MAPK10: variants seen among roughly 807,000 people sequenced by gnomAD.
MAPK10 encodes the protein mitogen-activated protein kinase 10, also known as JNK3 alpha protein kinase.
A neutral mutation model predicts 59.3 loss-of-function variants in MAPK10; 25 were observed. The observed-to-expected ratio is 0.42, with a 90% CI of 0.31 to 0.59. MAPK10 has a LOEUF of 0.59. MAPK10 is among the 20% of genes least tolerant of loss of function. The pLI is 0.15. For synonymous variants in MAPK10, 190 were observed against 200.5 expected, an observed-to-expected ratio of 0.95 and a Z score of 0.44; for missense variants, 351 against 568.9, an observed-to-expected ratio of 0.62 and a Z score of 3.90.
chr4:86,443,574 T>C (rs985187052), intron 1 of MAPK10, among the ~76,000 whole-genome samples: 1 of 151,960 alleles, frequency 6.6e-6, no homozygotes, highest in Non-Finnish European at 1.5e-5. Context: ...AGACGAGACC[T>C]AATCACAGGA....
chr4:86,216,654 A>G (rs1159456514), intron 2 of MAPK10, among the ~76,000 whole-genome samples: 4 of 152,010 alleles, frequency 2.6e-5, no homozygotes, highest in Admixed American at 6.6e-5. Flanking sequence ...GAAACACTAA[A>G]TGTTCAATAA....
At chr4:86,220,643 T>C (rs149314338) in intron 2 of MAPK10, among the ~76,000 whole-genome samples, 69 of 152,354 alleles carry the variant, frequency 4.5e-4, no homozygotes, top group Non-Finnish European at 7.2e-4. Flanking sequence ...TGAACTTCAC[T>C]TGTGTTTAGA....
intron 2 of MAPK10, among the ~76,000 whole-genome samples, chr4:86,220,182 T>A (rs1312332877): frequency 1.3e-5 from 2 of 152,170 alleles, no homozygotes; most frequent in Non-Finnish European, 2.9e-5. Context: ...ATAATCTTAG[T>A]TTGCTTTAAT....
chr4:86,376,425 T>C (rs1578976760), intron 1 of MAPK10, among the ~76,000 whole-genome samples: 2 of 152,174 alleles, frequency 1.3e-5, no homozygotes, highest in East Asian at 3.8e-4. Context: ...TCCTAAAATC[T>C]GGAGACTCCA....
chr4:86,288,982 A>G (rs1304374452), intron 2 of MAPK10, among the ~76,000 whole-genome samples: 2 of 152,166 alleles, frequency 1.3e-5, no homozygotes, highest in Non-Finnish European at 2.9e-5. Context: ...TAAACAAAGA[A>G]TAAAATAAAT....
At chr4:86,364,590 C>A (rs777568042), upstream of MAPK10, among the ~76,000 whole-genome samples, 5 of 152,144 alleles carry the variant, frequency 3.3e-5, no homozygotes, top group African/African-American at 9.7e-5. Flanking sequence ...CTATTCTATA[C>A]ACTTCAGGAA....
chr4:86,117,037 A>G (rs116357197), intron 4 of MAPK10, among the ~76,000 whole-genome samples: 3,588 of 152,354 alleles, frequency 0.024, 145 homozygotes, highest in African/African-American at 0.081. Context: ...TACCACCATC[A>G]TGACCACATT....
At chr4:86,064,876 T>G (rs1215786955) in intron 10 of MAPK10, 1 of 152,396 alleles carries the variant, frequency 6.6e-6, no homozygotes, top group African/African-American at 2.4e-5. Context: ...ATCATACAAA[T>G]TTTTCTTTTC....
chr4:86,153,708 T>C (rs1471830045), intron 4 of MAPK10, among the ~76,000 whole-genome samples: 1 of 152,186 alleles, frequency 6.6e-6, no homozygotes, highest in East Asian at 1.9e-4. Context: ...ACCAGTCTTA[T>C]TGATCAATTG....
intron 1 of MAPK10, among the ~76,000 whole-genome samples, chr4:86,547,473 G>C (rs1003553865): frequency 2.0e-5 from 3 of 152,216 alleles, no homozygotes; most frequent in African/African-American, 4.8e-5. Context: ...ATTTCTCGCC[G>C]GGCCTTAGTT....
intron 1 of MAPK10, among the ~76,000 whole-genome samples, chr4:86,446,197 T>G (rs111631992): frequency 5.1e-4 from 77 of 152,234 alleles, no homozygotes; most frequent in African/African-American, 1.8e-3. Flanking sequence ...TAGCTCACTT[T>G]CAAATGTATT....
rs566791698 is a variant in MAPK10, at chr4:86,064,356, T to C, written c.1020A>G (p.Leu340=). Residue 340 remains leucine, a synonymous_variant, in exon 11 of 14, where the codon CTA becomes CTG. Coordinates refer to ENST00000641462, the MANE Select transcript of MAPK10 (RefSeq NM_138982.4). ...ATATTCTTTTTGCTGGGTCAATCAC[T>C]AGCATCTTTGACAACAAGTCCCTGG... is the stretch of plus-strand genomic sequence containing the variant. ...SQARDLLSKM[L]VIDPAKRISV... The C allele has an allele frequency of 1.2e-6, 2 of 1,613,998 alleles. No individual in the cohort carries two copies. The highest frequency in any genetic ancestry group is 1.3e-5 in the African/African-American group (1 of 75,040).
At chr4:86,562,149 C>A (rs911136975) in intron 1 of MAPK10, among the ~76,000 whole-genome samples, 1 of 152,112 alleles carries the variant, frequency 6.6e-6, no homozygotes, top group Non-Finnish European at 1.5e-5. Context: ...TGGGCCCCAG[C>A]GTTCAAGACC....
At chr4:86,583,641 TACTGC>T (rs1379252022) in intron 1 of MAPK10, among the ~76,000 whole-genome samples, 1 of 152,210 alleles carries the variant, frequency 6.6e-6, no homozygotes, top group Non-Finnish European at 1.5e-5. Flanking sequence ...ATTGTTGAGC[TACTGC>T]ACTGTCAGAA....
At chr4:86,230,700 C>A (rs545594939) in intron 2 of MAPK10, among the ~76,000 whole-genome samples, 87 of 152,210 alleles carry the variant, frequency 5.7e-4, no homozygotes, top group Non-Finnish European at 1.0e-3. Flanking sequence ...TTTAAAACTA[C>A]CCTTGATTTA....
In MAPK10 at chr4:86,290,882, G is replaced by A. The variant is rs1278883449; in HGVS notation, c.-7+63648C>T. ...TAAAAGGAAGCAGATACTTGCATAT[G>A]TCTTTAAAATGTTGAGACTAGCTTG... On this transcript the variant is annotated intron_variant, in intron 2 of 13. Transcript: ENST00000641462. Among the ~76,000 whole-genome samples the A allele has an allele frequency of 2.6e-5, 4 of 152,300 alleles. No individual in the cohort carries two copies. In the East Asian group the frequency reaches 7.7e-4, roughly 29 times the overall value.
intron 2 of MAPK10, among the ~76,000 whole-genome samples, chr4:86,297,512 C>A (rs948759739): frequency 6.6e-6 from 1 of 152,116 alleles, no homozygotes; most frequent in Non-Finnish European, 1.5e-5. Context: ...GCGGTTTCAC[C>A]ATGTTGGCCA....
At chr4:86,151,573 T>C (rs957186861) in intron 4 of MAPK10, among the ~76,000 whole-genome samples, 18 of 151,562 alleles carry the variant, frequency 1.2e-4, no homozygotes, top group African/African-American at 3.4e-4. Flanking sequence ...GACAAGGAGG[T>C]GAGAAAATAA....
At chr4:86,072,375 AC>A (rs2048230707) in intron 9 of MAPK10, among the ~76,000 whole-genome samples, 1 of 151,460 alleles carries the variant, frequency 6.6e-6, no homozygotes, top group Non-Finnish European at 1.5e-5. Context: ...CTAATTGAAT[AC>A]CGTTTATTTC....
Sources: allele counts gnomAD v4.1 joint callset (sites outside exome capture counted in the v4.1 genomes callset), GRCh38; gene constraint gnomAD v4.1.1; transcripts MANE v1.5; gene names NCBI Gene and HGNC (gene_info 2026-07-23, HGNC 2026-07-21).